CSMD1: variants seen among roughly 807,000 people sequenced by gnomAD.
CSMD1 encodes the protein CUB and sushi domain-containing protein 1.
Under a neutral mutation model 417.5 loss-of-function variants are expected in CSMD1, and 213 were observed. The observed-to-expected ratio is 0.51, with a 90% CI of 0.46 to 0.57. The LOEUF (loss-of-function observed/expected upper bound fraction) is 0.57, where lower values mean the gene tolerates loss of function less well. Among genes scored for constraint, CSMD1 ranks in the 20% least tolerant of loss-of-function variants. The probability of loss-of-function intolerance (pLI) is 0.00; values close to 1 mark genes in which losing one functional copy is unlikely to be tolerated. For missense variants in CSMD1, 6,923 were observed against 4,529.7 expected (o/e 1.53, Z -15.17); for synonymous variants, 2,862 against 1,736.8 (o/e 1.65, Z -16.11).
intron 12 of CSMD1, among the ~76,000 whole-genome samples, chr8:3,419,758 G>C (rs1447299841): frequency 6.6e-6 from 1 of 152,128 alleles, no homozygotes; most frequent in Admixed American, 6.6e-5. Context: ...TGCATATCTA[G>C]ATTCATTAAA....
chr8:4,345,709 C>T (rs528918878), intron 3 of CSMD1, among the ~76,000 whole-genome samples: 3 of 152,184 alleles, frequency 2.0e-5, no homozygotes, highest in African/African-American at 7.2e-5. Flanking sequence ...TAAAAAGGCT[C>T]AACGTCATGA....
intron 7 of CSMD1, among the ~76,000 whole-genome samples, chr8:3,656,324 G>C (rs1585027690): frequency 6.6e-6 from 1 of 152,294 alleles, no homozygotes; most frequent in African/African-American, 2.4e-5. Context: ...GAAAGGTATA[G>C]CACTACTTTC....
chr8:4,313,158 A>C (rs184998374), intron 3 of CSMD1, among the ~76,000 whole-genome samples: 13 of 152,270 alleles, frequency 8.5e-5, no homozygotes, highest in Admixed American at 8.5e-4. Context: ...ACTGGTCTTT[A>C]ATTTCTAATC....
At chr8:3,709,079 T>C (rs1447341625) in intron 6 of CSMD1, among the ~76,000 whole-genome samples, 8 of 151,926 alleles carry the variant, frequency 5.3e-5, no homozygotes, top group African/African-American at 1.9e-4. Flanking sequence ...TCCTGGCTTC[T>C]AGCATCATCA....
chr8:4,221,859 G>A (rs1245237688), intron 3 of CSMD1, among the ~76,000 whole-genome samples: 2 of 152,120 alleles, frequency 1.3e-5, no homozygotes, highest in Non-Finnish European at 2.9e-5. Flanking sequence ...TTACACTCAG[G>A]AAGGATATTA....
chr8:2,961,747 A>C (rs926961707), intron 61 of CSMD1, among the ~76,000 whole-genome samples: 4 of 152,230 alleles, frequency 2.6e-5, no homozygotes, highest in African/African-American at 9.7e-5. Context: ...CAGCTCTCTT[A>C]CTTGCTGCTC....
At chr8:4,053,100 G>C (rs114255975) in intron 3 of CSMD1, among the ~76,000 whole-genome samples, 3 of 152,116 alleles carry the variant, frequency 2.0e-5, no homozygotes, top group Admixed American at 1.3e-4. Flanking sequence ...AGAAGGGGCT[G>C]ATACGAGGAC....
At chr8:4,601,587 G>C (rs867164703) in intron 2 of CSMD1, among the ~76,000 whole-genome samples, 2 of 152,146 alleles carry the variant, frequency 1.3e-5, no homozygotes, top group Non-Finnish European at 1.5e-5. Flanking sequence ...TTAGTAGTAA[G>C]AGTTCAGTAC....
intron 5 of CSMD1, among the ~76,000 whole-genome samples, chr8:3,801,481 G>C (rs2129072717): frequency 6.6e-6 from 1 of 152,220 alleles, no homozygotes; most frequent in South Asian, 2.1e-4. Context: ...ATAGGCACTG[G>C]CAAGGATGTA....
chr8:3,080,015 T>C (rs969940560), intron 49 of CSMD1, among the ~76,000 whole-genome samples: 1 of 152,202 alleles, frequency 6.6e-6, no homozygotes, highest in South Asian at 2.1e-4. Context: ...CTTAATCATG[T>C]AATTTGTGAG....
chr8:4,870,621 A>G (rs570389186), intron 1 of CSMD1, among the ~76,000 whole-genome samples: 3 of 152,166 alleles, frequency 2.0e-5, no homozygotes, highest in African/African-American at 7.2e-5. Flanking sequence ...CTTTATTAGG[A>G]GGTAAAATCC....
At chr8:3,243,854 C>G (rs1221425525) in intron 26 of CSMD1, among the ~76,000 whole-genome samples, 8 of 150,596 alleles carry the variant, frequency 5.3e-5, no homozygotes, top group Admixed American at 5.3e-4. Flanking sequence ...TGTTATTTTC[C>G]TTTTTTGCTA....
intron 5 of CSMD1, among the ~76,000 whole-genome samples, chr8:3,857,994 C>G (rs1413941190): frequency 6.6e-6 from 1 of 152,224 alleles, no homozygotes; most frequent in Non-Finnish European, 1.5e-5. Flanking sequence ...ATGGTGCGGT[C>G]TCTGCACAAG....
chr8:4,798,037 A>C (rs1300705130), intron 1 of CSMD1, among the ~76,000 whole-genome samples: 1 of 152,234 alleles, frequency 6.6e-6, no homozygotes, highest in Non-Finnish European at 1.5e-5. Context: ...TTATACTTTA[A>C]GTTCTAGGGT....
At position 3,220,110 on chromosome 8, in the gene CSMD1, A is replaced by T. The variant is rs189238147; in HGVS notation, c.4485-668T>A. 2.0e-4 allele frequency among the ~76,000 whole-genome samples: 29 copies of T among 142,744 alleles called. No homozygotes were observed. In the East Asian group the frequency reaches 5.7e-3, roughly 28 times the overall value. The allele number at this position is 142,744 out of a possible 152,430, so 93.6% of individuals were successfully genotyped here. A position where few individuals can be genotyped will look rare whatever the true frequency, so the allele number is the denominator to read the frequency against. On this transcript the variant is annotated intron_variant, in intron 28 of 69. Transcript: ENST00000635120. ...CAATGAGCTATGACCACACCACTGC[A>T]CCCATGCACTCCACCCTGAGAGACA...
chr8:3,754,771 C>G (rs1383041091), intron 5 of CSMD1, among the ~76,000 whole-genome samples: 3 of 152,064 alleles, frequency 2.0e-5, no homozygotes, highest in African/African-American at 7.2e-5. Flanking sequence ...CTTACGAATT[C>G]TATGTAACCT....
At chr8:4,494,904 C>A (rs966040102) in intron 2 of CSMD1, among the ~76,000 whole-genome samples, 2 of 150,594 alleles carry the variant, frequency 1.3e-5, no homozygotes, top group South Asian at 4.2e-4. Flanking sequence ...ATTGTTAGGA[C>A]AAATTGAAAG....
At chr8:4,504,018 T>C (rs1455526715) in intron 2 of CSMD1, among the ~76,000 whole-genome samples, 1 of 151,680 alleles carries the variant, frequency 6.6e-6, no homozygotes, top group East Asian at 1.9e-4. Context: ...TCAAAGAGGT[T>C]ATCTGTGTTC....
At chr8:3,728,469 T>C (rs1420951157) in intron 6 of CSMD1, among the ~76,000 whole-genome samples, 4 of 152,222 alleles carry the variant, frequency 2.6e-5, no homozygotes, top group Non-Finnish European at 5.9e-5. Context: ...GTTAGGTTTA[T>C]CGTAACAGAG....
Sources: allele counts gnomAD v4.1 joint callset (sites outside exome capture counted in the v4.1 genomes callset), GRCh38; gene constraint gnomAD v4.1.1; transcripts MANE v1.5; gene names NCBI Gene and HGNC (gene_info 2026-07-23, HGNC 2026-07-21).